LRBA: variants seen among roughly 807,000 people sequenced by gnomAD.
LRBA encodes lipopolysaccharide-responsive and beige-like anchor protein.
Under a neutral mutation model 330.0 loss-of-function variants are expected in LRBA, and 176 were observed. The ratio of observed to expected loss-of-function variants is 0.53; its 90% CI spans 0.47 to 0.60. The LOEUF is 0.60. LRBA is among the 20% of genes least tolerant of loss of function. The pLI, the probability that LRBA is intolerant of heterozygous loss-of-function variation, is 0.00. For missense variants in LRBA, 3,259 were observed against 3,444.8 expected, an observed-to-expected ratio of 0.95 and a Z score of 1.35; for synonymous variants, 1,230 against 1,193.0, an observed-to-expected ratio of 1.03 and a Z score of -0.64.
intron 22 of LRBA, among the ~76,000 whole-genome samples, chr4:150,867,113 A>T (rs1168447139): frequency 4.2e-5 from 4 of 96,098 alleles, no homozygotes; most frequent in South Asian, 2.6e-4. Context: ...GGCTTAATTT[A>T]AAAAAAAAAA....
chr4:150,422,823 C>A (rs369881665), intron 46 of LRBA: 3 of 1,461,784 alleles, frequency 2.1e-6, no homozygotes, highest in Non-Finnish European at 9.6e-7. Context: ...CTGGAACTTG[C>A]CCTGCAGCCA....
At chr4:150,631,416 C>T (rs1483013379) in intron 37 of LRBA, among the ~76,000 whole-genome samples, 1 of 152,044 alleles carries the variant, frequency 6.6e-6, no homozygotes, top group Non-Finnish European at 1.5e-5. Flanking sequence ...GAGTGGAAGG[C>T]ATCCAATTTA....
At chr4:150,585,090 A>G (rs1771929030) in intron 40 of LRBA, among the ~76,000 whole-genome samples, 1 of 152,224 alleles carries the variant, frequency 6.6e-6, no homozygotes, top group African/African-American at 2.4e-5. Context: ...CGATATACAA[A>G]GGAAATATTT....
At chr4:150,482,979 T>C (rs1757462257) in intron 42 of LRBA, among the ~76,000 whole-genome samples, 1 of 152,098 alleles carries the variant, frequency 6.6e-6, no homozygotes, top group Non-Finnish European at 1.5e-5. Context: ...ATTTTCATTT[T>C]CTTAAGAGTT....
intron 40 of LRBA, among the ~76,000 whole-genome samples, chr4:150,572,778 G>C (rs1268172339): frequency 6.6e-6 from 1 of 152,096 alleles, no homozygotes; most frequent in Non-Finnish European, 1.5e-5. Flanking sequence ...CAGTGCTGAA[G>C]GAAATATGAG....
intron 34 of LRBA, among the ~76,000 whole-genome samples, chr4:150,766,949 A>G (rs1735839812): frequency 6.6e-6 from 1 of 152,130 alleles, no homozygotes; most frequent in Non-Finnish European, 1.5e-5. Context: ...TGACTAGTCA[A>G]TTTTTACTAA....
chr4:150,576,718 T>C (rs1374744362), intron 40 of LRBA, among the ~76,000 whole-genome samples: 2 of 151,874 alleles, frequency 1.3e-5, no homozygotes, highest in South Asian at 4.1e-4. Context: ...CAAACATCTC[T>C]AATCATATAT....
intron 40 of LRBA, among the ~76,000 whole-genome samples, chr4:150,536,159 G>GA (rs1359491775): frequency 6.6e-6 from 1 of 151,876 alleles, no homozygotes; most frequent in Non-Finnish European, 1.5e-5. Context: ...GCTCTGAAAT[G>GA]AAAAAAAGAC....
chr4:150,708,535 C>A (rs1294752955), intron 36 of LRBA, among the ~76,000 whole-genome samples: 1 of 151,628 alleles, frequency 6.6e-6, no homozygotes, highest in African/African-American at 2.4e-5. Context: ...AAAATGGTAT[C>A]AAAAAATAGA....
At chr4:150,691,163 C>G (rs897627087) in intron 36 of LRBA, among the ~76,000 whole-genome samples, 13 of 152,012 alleles carry the variant, frequency 8.6e-5, no homozygotes, top group South Asian at 8.3e-4. Context: ...ATCTCTTGAC[C>G]TCATGATCTG....
At chr4:150,742,653 G>A (rs1174136784) in intron 35 of LRBA, among the ~76,000 whole-genome samples, 2 of 151,886 alleles carry the variant, frequency 1.3e-5, no homozygotes, top group Non-Finnish European at 2.9e-5. Flanking sequence ...ATCCCAGCAC[G>A]TAGAAAAGAG....
chr4:150,451,425 A>C (rs947648832), intron 44 of LRBA, among the ~76,000 whole-genome samples: 9 of 152,204 alleles, frequency 5.9e-5, no homozygotes, highest in African/African-American at 1.9e-4. Context: ...CCCCAAATAC[A>C]TGGTAACTAA....
intron 48 of LRBA, among the ~76,000 whole-genome samples, chr4:150,346,985 GGATA>G: frequency 6.7e-6 from 1 of 148,596 alleles, no homozygotes; most frequent in Admixed American, 6.7e-5. Context: ...ATATATAAAT[GGATA>G]AACAAAATGT....
intron 37 of LRBA, among the ~76,000 whole-genome samples, chr4:150,610,338 C>T (rs1304393459): frequency 1.3e-5 from 2 of 152,102 alleles, no homozygotes; most frequent in Non-Finnish European, 2.9e-5. Context: ...GCCTATAATC[C>T]CAGCACTTTG....
intron 44 of LRBA, among the ~76,000 whole-genome samples, chr4:150,448,936 G>T (rs1376011145): frequency 2.0e-5 from 3 of 151,516 alleles, no homozygotes; most frequent in Non-Finnish European, 2.9e-5. Flanking sequence ...GCATGCACTT[G>T]TAAGCTCTTT....
chr4:150,430,397 T>C (rs1750219728), intron 46 of LRBA, among the ~76,000 whole-genome samples: 1 of 152,172 alleles, frequency 6.6e-6, no homozygotes, highest in Non-Finnish European at 1.5e-5. Flanking sequence ...GTTCATCCTC[T>C]TTCACAAAGC....
intron 56 of LRBA, among the ~76,000 whole-genome samples, chr4:150,266,327 C>A (rs1276916895): frequency 6.6e-6 from 1 of 152,198 alleles, no homozygotes; most frequent in African/African-American, 2.4e-5. Flanking sequence ...GCTGGTCTCC[C>A]CTCTGTGGAG....
intron 2 of LRBA, among the ~76,000 whole-genome samples, chr4:150,967,786 AC>A (rs1344959370): frequency 5.9e-5 from 9 of 152,140 alleles, no homozygotes; most frequent in African/African-American, 2.2e-4. Flanking sequence ...TGATGTTACT[AC>A]TGTAACTGTT....
In LRBA at chr4:150,415,323, T is replaced by G. The variant is rs1747578788; in HGVS notation, c.7194+115A>C. ...GAGCTATTATGTCACTTTCAGTTAGTCCTATCACCTACAGCTTTGTCCAGA... is the reference window on the plus strand; with the variant it reads ...GAGCTATTATGTCACTTTCAGTTAGGCCTATCACCTACAGCTTTGTCCAGA... On this transcript the variant is annotated intron_variant, in intron 47 of 56. Coordinates refer to ENST00000651943, the MANE Select transcript of LRBA (RefSeq NM_001364905.1). 5.3e-6 allele frequency: 4 copies of G among 761,248 alleles called. No individual in the cohort carries two copies. In the Admixed American group the frequency reaches 1.1e-4, roughly 21 times the overall value. The allele number at this position is 761,248 out of a possible 1,614,324, so 47.2% of individuals were successfully genotyped here.
Sources: gnomAD v4.1 joint callset for allele counts (sites outside exome capture counted in the v4.1 genomes callset) on GRCh38, gnomAD v4.1.1 for gene constraint, MANE v1.5 for transcripts, NCBI Gene and HGNC (gene_info 2026-07-23, HGNC 2026-07-21) for gene names.